The following EYA2 variants were observed in gnomAD, a reference collection of about 807,000 sequenced individuals.
EYA2 encodes the protein EYA transcriptional coactivator and phosphatase 2, also known as protein phosphatase EYA2.
In EYA2, 31 loss-of-function variants were observed where a neutral mutation model predicts 69.2. That is an observed-to-expected ratio of 0.45 (90% confidence interval 0.34 to 0.60). The LOEUF is 0.60. EYA2 is among the 20% of genes least tolerant of loss of function. The probability of loss-of-function intolerance (pLI) is 0.02; values close to 1 mark genes in which losing one functional copy is unlikely to be tolerated. For synonymous variants in EYA2, 257 were observed against 279.4 expected (o/e 0.92, Z 0.80); for missense variants, 622 against 701.2 (o/e 0.89, Z 1.28).
chr20:47,159,237 AT>A (rs2034016789), intron 10 of EYA2, among the ~76,000 whole-genome samples: 1 of 152,012 alleles, frequency 6.6e-6, no homozygotes, highest in Non-Finnish European at 1.5e-5. Flanking sequence ...ATCAACAGTG[AT>A]TAGTCATGTT....
rs1416425652 is a variant in EYA2, at chr20:47,116,993, C to CTT, written c.888+19825_888+19826insTT. Among the ~76,000 whole-genome samples, 457 of 95,676 alleles carry CTT rather than the reference C, an allele frequency of 4.8e-3. 4 individuals are homozygous for CTT. Among genetic ancestry groups the CTT allele is most frequent in the African/African-American group, 0.019 (411 of 21,092 alleles). The allele number at this position is 95,676 out of a possible 152,430, so 62.8% of individuals were successfully genotyped here. ...TGTAGACTCACTGAACATGCATCTG[C>CTT]ATTTTTTTTTTTTTTTTTTTTGAGG... On this transcript the variant is annotated intron_variant, in intron 9 of 15. Transcript: ENST00000327619.
chr20:47,004,902 G>T (rs370962296), intron 3 of EYA2, 40 bp from the exon 4 acceptor site: 2 of 1,613,932 alleles, frequency 1.2e-6, no homozygotes, highest in East Asian at 2.2e-5. Flanking sequence ...AGGGGTGCCA[G>T]ACTGGGCCTG....
chr20:47,004,615 A>G (rs1056967886), intron 3 of EYA2, among the ~76,000 whole-genome samples: 47 of 152,136 alleles, frequency 3.1e-4, no homozygotes, highest in Non-Finnish European at 1.9e-4. Flanking sequence ...TGCCCTCCAC[A>G]GTTGCTATCA....
At chr20:46,999,330 A>AG (rs1216754108) in intron 2 of EYA2, among the ~76,000 whole-genome samples, 2 of 152,212 alleles carry the variant, frequency 1.3e-5, no homozygotes, top group African/African-American at 4.8e-5. Context: ...AGGATGAAGA[A>AG]GGAGTGATGG....
chr20:46,905,455 G>A (rs1984305961), intron 1 of EYA2, among the ~76,000 whole-genome samples: 1 of 152,218 alleles, frequency 6.6e-6, no homozygotes, highest in Admixed American at 6.5e-5. Context: ...CAATGAGCCT[G>A]AGTTGCTGTG....
chr20:47,025,104 C>T (rs1347773513), intron 5 of EYA2, among the ~76,000 whole-genome samples: 2 of 152,242 alleles, frequency 1.3e-5, no homozygotes, highest in Non-Finnish European at 2.9e-5. Context: ...TCCATCATCT[C>T]TTCATCACCT....
At chr20:47,144,086 G>A (rs1284524599) in intron 10 of EYA2, among the ~76,000 whole-genome samples, 3 of 152,186 alleles carry the variant, frequency 2.0e-5, no homozygotes, top group Non-Finnish European at 2.9e-5. Context: ...GGCCGGGCGC[G>A]GTGGCTCACG....
In EYA2 at chr20:47,039,111, T is replaced by TCA. The variant is rs11467574; in HGVS notation, c.415+22834_415+22835dup. ...CAAAAAACCAGAGCAGATGTCGAAATCACACACACACACACACACACGCGC... is the reference window on the plus strand; with the variant it reads ...CAAAAAACCAGAGCAGATGTCGAAATCACACACACACACACACACACACGCGC... On this transcript the variant is annotated intron_variant, in intron 5 of 15. Coordinates refer to ENST00000327619, the MANE Select transcript of EYA2 (RefSeq NM_005244.5). Among the ~76,000 whole-genome samples, 1,234 of 149,970 alleles carry TCA rather than the reference T, an allele frequency of 8.2e-3. 13 individuals are homozygous for TCA. Among genetic ancestry groups the TCA allele is most frequent in the African/African-American group, 0.028 (1,127 of 40,742 alleles).
chr20:46,965,509 G>A (rs3091412), intron 1 of EYA2, among the ~76,000 whole-genome samples: 13,175 of 152,286 alleles, frequency 0.087, 1,415 homozygotes, highest in African/African-American at 0.25. Context: ...GAGAGAGCTG[G>A]AAGGTCCCAG....
rs1301186532 is a variant in EYA2 at position 47,100,389 on chromosome 20, A to G, written c.888+3221A>G. Among the ~76,000 whole-genome samples, 4 of 152,332 alleles carry G rather than the reference A, an allele frequency of 2.6e-5. No individual in the cohort carries two copies. In the East Asian group the frequency reaches 7.7e-4, roughly 29 times the overall value. ...GACTGCCCTCTTAGGGGGGGTGGACATTCTCCAGCCCATCGCAGCCCCCAC... is the reference window on the plus strand; with the variant it reads ...GACTGCCCTCTTAGGGGGGGTGGACGTTCTCCAGCCCATCGCAGCCCCCAC... On this transcript the variant is annotated intron_variant, in intron 9 of 15. Coordinates refer to ENST00000327619, the MANE Select transcript of EYA2 (RefSeq NM_005244.5).
intron 5 of EYA2, among the ~76,000 whole-genome samples, chr20:47,020,462 TTTTC>T (rs1222266733): frequency 1.3e-5 from 2 of 152,240 alleles, no homozygotes; most frequent in Non-Finnish European, 2.9e-5. Flanking sequence ...GAGTTGTTTA[TTTTC>T]TTTATTTTAA....
intron 10 of EYA2, among the ~76,000 whole-genome samples, chr20:47,149,681 A>C (rs1347340447): frequency 8.5e-6 from 1 of 117,404 alleles, no homozygotes; most frequent in East Asian, 2.6e-4. Context: ...CATCTCTACT[A>C]AAAATACAAA....
At chr20:46,987,828 G>A (rs773024433) in intron 1 of EYA2, among the ~76,000 whole-genome samples, 2 of 150,516 alleles carry the variant, frequency 1.3e-5, no homozygotes, top group African/African-American at 2.4e-5. Flanking sequence ...TCGGGAGGCT[G>A]AGGTAGGAGA....
chr20:46,908,870 CTTTTTTTTTTTTTTTTT>C (rs56834738), intron 1 of EYA2, among the ~76,000 whole-genome samples: 5 of 47,582 alleles, frequency 1.1e-4, no homozygotes, highest in East Asian at 1.2e-3. Context: ...CTCTCCCGCA[CTTTTTTTTTTTTTTTTT>C]TTTTTTTTTT....
intron 1 of EYA2, among the ~76,000 whole-genome samples, chr20:46,951,715 G>T (rs1333299): frequency 6.6e-6 from 1 of 151,988 alleles, no homozygotes; most frequent in Non-Finnish European, 1.5e-5. Context: ...GGTAATTTTC[G>T]TCATCTGAAC....
At chr20:47,134,439 A>T (rs1381550010) in intron 9 of EYA2, among the ~76,000 whole-genome samples, 1 of 152,264 alleles carries the variant, frequency 6.6e-6, no homozygotes, top group East Asian at 1.9e-4. Flanking sequence ...AGTAGCTATT[A>T]TTAAGCTAAC....
At chr20:47,155,674 G>A (rs2033908502) in intron 10 of EYA2, among the ~76,000 whole-genome samples, 1 of 151,852 alleles carries the variant, frequency 6.6e-6, no homozygotes, top group African/African-American at 2.4e-5. Flanking sequence ...CTGCAAAGGA[G>A]ATGGTTTTTT....
At chr20:47,056,513 G>A (rs890442404) in intron 5 of EYA2, among the ~76,000 whole-genome samples, 1 of 152,144 alleles carries the variant, frequency 6.6e-6, no homozygotes. Context: ...TGTTGAACAT[G>A]TACTCGATGC....
intron 1 of EYA2, among the ~76,000 whole-genome samples, chr20:46,951,659 A>T (rs1428782987): frequency 6.6e-6 from 1 of 152,198 alleles, no homozygotes; most frequent in Non-Finnish European, 1.5e-5. Flanking sequence ...GAGGACTCAG[A>T]TTCTTGTCCC....
Sources: allele counts gnomAD v4.1 joint callset (sites outside exome capture counted in the v4.1 genomes callset), GRCh38; gene constraint gnomAD v4.1.1; transcripts MANE v1.5; gene names NCBI Gene and HGNC (gene_info 2026-07-23, HGNC 2026-07-21).